The following CACNA1S variants were observed in gnomAD, a reference collection of about 807,000 sequenced individuals.
CACNA1S encodes voltage-dependent L-type calcium channel subunit alpha-1S.
CACNA1S carries 126 observed loss-of-function variants against 207.4 expected under a neutral mutation model. The ratio of observed to expected loss-of-function variants is 0.61; its 90% CI spans 0.53 to 0.70. The LOEUF (loss-of-function observed/expected upper bound fraction) is 0.70. Ranked by LOEUF, CACNA1S falls within the 30% of genes least tolerant of loss-of-function variation. The probability of loss-of-function intolerance (pLI) is 0.00; values close to 1 mark genes in which losing one functional copy is unlikely to be tolerated. For missense variants in CACNA1S, 2,349 were observed against 2,422.8 expected (o/e 0.97, Z 0.64); for synonymous variants, 960 against 932.7 (o/e 1.03, Z -0.53).
chr1:201,066,123 A>G lies in CACNA1S; in HGVS notation c.2745+106T>C, dbSNP rs1474364089. 1 of 1,137,524 alleles carries G rather than the reference A, an allele frequency of 8.8e-7. No individual in the cohort carries two copies. The highest frequency in any genetic ancestry group is 1.3e-6 in the Non-Finnish European group (1 of 754,824). 70.5% of individuals were successfully genotyped at this position (1,137,524 alleles called of 1,614,324 possible). On this transcript the variant is annotated intron_variant, in intron 21 of 43. Coordinates refer to ENST00000362061, the MANE Select transcript of CACNA1S (RefSeq NM_000069.3). This position sits in a 1 kb window ranked among gnomAD's most constrained non-coding sequence, Gnocchi z 4.3. The stretch of plus-strand genomic sequence containing the variant: ...TCCTTACCCCTATCTGCCCAGGGAG[A>G]TGGGACAGGGGTCCCAGCCATGGCT...
intron 10 of CACNA1S, among the ~76,000 whole-genome samples, chr1:201,081,655 C>G (rs938785765): frequency 6.6e-6 from 1 of 152,226 alleles, no homozygotes; most frequent in African/African-American, 2.4e-5. Flanking sequence ...GATAGACAGC[C>G]CTGCCCAAAT....
At chr1:201,074,043 G>A (rs989772483) in intron 14 of CACNA1S, among the ~76,000 whole-genome samples, 1 of 152,150 alleles carries the variant, frequency 6.6e-6, no homozygotes, top group African/African-American at 2.4e-5. Context: ...AGGAATGGGT[G>A]TCCCATTCCT....
intron 2 of CACNA1S, among the ~76,000 whole-genome samples, chr1:201,108,308 G>A (rs186197776): frequency 7.4e-4 from 113 of 152,158 alleles, no homozygotes; most frequent in African/African-American, 2.6e-3. Flanking sequence ...TCTCTATGTT[G>A]CCCAGGCTGG....
chr1:201,093,324 G>A (rs1662307258), intron 3 of CACNA1S, among the ~76,000 whole-genome samples: 1 of 152,192 alleles, frequency 6.6e-6, no homozygotes, highest in East Asian at 1.9e-4. Flanking sequence ...GGATGCACAG[G>A]CACAGAGGAG....
At chr1:201,080,799 C>G (rs984928386) in intron 10 of CACNA1S, among the ~76,000 whole-genome samples, 1 of 151,964 alleles carries the variant, frequency 6.6e-6, no homozygotes, top group African/African-American at 2.4e-5. Flanking sequence ...AAACACTTTT[C>G]CCTTCAGAAA....
Position 201,089,244 on chromosome 1 carries a change from G to C in CACNA1S, c.900+14C>G, listed in dbSNP as rs377170574. On this transcript the variant is annotated intron_variant, in intron 6 of 43. Transcript: ENST00000362061. ...TGAAGGGAGATGGTTCTGCAGGCGC[G>C]GGCCCAGACCCACCCAGTAAAGGAC... The C allele has an allele frequency of 1.1e-5, 17 of 1,613,236 alleles. 1 individual carries two copies. In the East Asian group the frequency reaches 3.8e-4, roughly 36 times the overall value.
Position 201,048,607 on chromosome 1 carries a change from G to C in CACNA1S, c.4416C>G (p.Arg1472=), listed in dbSNP as rs1162767709. 1.2e-6 allele frequency: 2 copies of C among 1,613,802 alleles called. No individual in the cohort carries two copies. The highest frequency in any genetic ancestry group is 2.7e-5 in the African/African-American group (2 of 74,940). The change falls in exon 36 of 44, where the codon CGC becomes CGG. Residue 1472 remains arginine, a synonymous_variant. Coordinates refer to ENST00000362061, the MANE Select transcript of CACNA1S (RefSeq NM_000069.3). ...CTTCCGTCTTGATCTTGAGTGCCGT[G>C]CGGACCAGGGCAAAGAGTGTGGCAT... ...TFNATLFALV[R]TALKIKTEGN...
At position 201,057,942 on chromosome 1, in the gene CACNA1S, T is replaced by G. The variant is rs893439592; in HGVS notation, c.3609+466A>C. ...CTTAGCTCTCCAGCCTTGCCCTCTCTGTTCTCTTCTCTGCATGTTCTTATG... is the reference window on the plus strand; with the variant it reads ...CTTAGCTCTCCAGCCTTGCCCTCTCGGTTCTCTTCTCTGCATGTTCTTATG... On this transcript the variant is annotated intron_variant, in intron 28 of 43. Transcript: ENST00000362061. 1.8e-4 allele frequency among the ~76,000 whole-genome samples: 27 copies of G among 152,252 alleles called. 1 individual carries two copies. The highest frequency in any genetic ancestry group is 1.6e-3 in the Admixed American group (24 of 15,288).
intron 19 of CACNA1S, among the ~76,000 whole-genome samples, chr1:201,068,434 G>C (rs916272542): frequency 2.0e-5 from 3 of 150,082 alleles, no homozygotes; most frequent in Non-Finnish European, 4.5e-5. Context: ...GTAGAGACAG[G>C]GTTTCATCAT....
chr1:201,048,940 T>C (rs1660562224), intron 35 of CACNA1S, 63 bp downstream of exon 35: 1 of 1,318,680 alleles, frequency 7.6e-7, no homozygotes, highest in Admixed American at 1.7e-5. Flanking sequence ...CCTCACCAGT[T>C]TCCCTCTGCC....
In CACNA1S at chr1:201,097,253, G is replaced by A. The variant is rs555787928; in HGVS notation, c.259-3232C>T. Among the ~76,000 whole-genome samples, 56 of 151,952 alleles carry A rather than the reference G, an allele frequency of 3.7e-4. 1 individual carries two copies. The highest frequency in any genetic ancestry group is 6.6e-4 in the Non-Finnish European group (45 of 68,000). ...CCTTCTCCATACAGACCCGGCTACT[G>A]CCTTGCTTGCAAGTCTGCAATGGCT... is the stretch of plus-strand genomic sequence containing the variant. On this transcript the variant is annotated intron_variant, in intron 2 of 43. Transcript: ENST00000362061.
chr1:201,047,215 A>T lies in CACNA1S; in HGVS notation c.4568T>A (p.Phe1523Tyr). Residue 1523 changes from phenylalanine (F) to tyrosine (Y), a missense_variant, in exon 38 of 44, where the codon TTC becomes TAC. Transcript: ENST00000362061. ...CTCCTGGATGAGGAATGTGGCGTAG[A>T]ACTTCCCCACTGTCACCTCATCATC... ...IGDDEVTVGKFYATFLIQEHF... is the reference protein window; with the variant it reads ...IGDDEVTVGKYYATFLIQEHF... The T allele has an allele frequency of 6.2e-7, 1 of 1,614,208 alleles. No individual in the cohort carries two copies. The highest frequency in any genetic ancestry group is 8.5e-7 in the Non-Finnish European group (1 of 1,180,044).
intron 5 of CACNA1S, among the ~76,000 whole-genome samples, chr1:201,089,753 A>G (rs1220932563): frequency 6.6e-6 from 1 of 152,184 alleles, no homozygotes; most frequent in Non-Finnish European, 1.5e-5. Context: ...AAGAGGAGTA[A>G]TCTGAGTGTC....
At position 201,069,550 on chromosome 1, in the gene CACNA1S, G is replaced by A. The variant is rs761097745; in HGVS notation, c.2412C>T (p.Phe804=). 4.4e-6 allele frequency: 7 copies of A among 1,577,626 alleles called. No individual in the cohort carries two copies. Among genetic ancestry groups the A allele is most frequent in the Admixed American group, 1.9e-5 (1 of 52,212 alleles). ...TGCTGAGCAGGATGAAGAGCAGGAT[G>A]AAGTTGGTAAACCAGGTGGCATTGA... ...RIVNATWFTN[F]ILLFILLSSA... Residue 804 remains phenylalanine, a synonymous_variant, in exon 18 of 44, where the codon TTC becomes TTT. Coordinates refer to ENST00000362061, the MANE Select transcript of CACNA1S (RefSeq NM_000069.3).
chr1:201,112,103 T>C (rs1663136638), intron 1 of CACNA1S, 85 bp downstream of exon 1: 2 of 1,396,230 alleles, frequency 1.4e-6, no homozygotes, highest in African/African-American at 1.4e-5. Flanking sequence ...CTGGCCCTCC[T>C]GTAGGAAGTT....
chr1:201,100,208 G>C (rs763470478), intron 2 of CACNA1S, among the ~76,000 whole-genome samples: 10 of 152,250 alleles, frequency 6.6e-5, no homozygotes, highest in African/African-American at 2.2e-4. Context: ...AGTTGTGGAC[G>C]GAGGTTTGCT....
chr1:201,076,951 T>C lies in CACNA1S; in HGVS notation c.1796A>G (p.Asn599Ser), dbSNP rs770075379. ...DTEVRRSNFD[N>S]FPQALISVFQ... ...GACGCTGATGAGGGCTTGGGGAAAG[T>C]TGTCAAAGTTGCTGCGCCGTACTTC... The change falls in exon 12 of 44, where the codon AAC becomes AGC. Residue 599 changes from asparagine (N) to serine (S), a missense_variant. Coordinates refer to ENST00000362061, the MANE Select transcript of CACNA1S (RefSeq NM_000069.3). 2 of 1,613,912 alleles carry C rather than the reference T, an allele frequency of 1.2e-6. No homozygotes were observed. The highest frequency in any genetic ancestry group is 1.3e-5 in the African/African-American group (1 of 74,872).
intron 3 of CACNA1S, 40 bp downstream of exon 3, chr1:201,093,842 C>G: frequency 1.2e-6 from 2 of 1,612,096 alleles, no homozygotes; most frequent in Non-Finnish European, 1.7e-6. Context: ...CAGTCCTCAG[C>G]GAGGGTCTGA....
At position 201,089,297 on chromosome 1, in the gene CACNA1S, C is replaced by G. The variant is rs1456438022; in HGVS notation, c.861G>C (p.Gln287His). 1 of 1,614,176 alleles carries G rather than the reference C, an allele frequency of 6.2e-7. No homozygotes were observed. The highest frequency in any genetic ancestry group is 1.3e-5 in the African/African-American group (1 of 74,954). The change falls in exon 6 of 44, where the codon CAG becomes CAC. Residue 287 changes from glutamine (Q) to histidine (H), a missense_variant. Gln to His is a conservative substitution (Grantham distance 24). Transcript: ENST00000362061. ...CAGTCCATCCCTCCATGGTAATGCACTGGTACACGGTGAGCATGGAGAAGC... is the reference window on the plus strand; with the variant it reads ...CAGTCCATCCCTCCATGGTAATGCAGTGGTACACGGTGAGCATGGAGAAGC... The part of the protein sequence containing the change: ...NFGFSMLTVY[Q>H]CITMEGWTDV...
Sources: allele counts gnomAD v4.1 joint callset (sites outside exome capture counted in the v4.1 genomes callset), GRCh38; gene constraint gnomAD v4.1.1; non-coding constraint Gnocchi (gnomAD v3.1); transcripts MANE v1.5; gene names NCBI Gene and HGNC (gene_info 2026-07-23, HGNC 2026-07-21).